POFUT3: variants seen among roughly 807,000 people sequenced by gnomAD.
POFUT3 encodes protein O-fucosyltransferase 3.
the POFUT3 span, among the ~76,000 whole-genome samples, chr8:33,331,334 C>CA: frequency 0.045 from 5,265 of 116,680 alleles, 279 homozygotes; most frequent in African/African-American, 0.15. Flanking sequence ...AACTCTGTCT[C>CA]AAAAAAAAAA....
chr8:33,374,508 G>A, the POFUT3 span, among the ~76,000 whole-genome samples: 19 of 152,178 alleles, frequency 1.2e-4, no homozygotes, highest in Non-Finnish European at 2.1e-4. Flanking sequence ...CTGGTATCCC[G>A]AATTTGATCC....
chr8:33,329,746 T>C, the POFUT3 span, among the ~76,000 whole-genome samples: 1 of 152,222 alleles, frequency 6.6e-6, no homozygotes, highest in African/African-American at 2.4e-5. Context: ...AATGTGTTTC[T>C]AGGCTGCCAT....
chr8:33,397,647 G>T, the POFUT3 span, among the ~76,000 whole-genome samples: 4 of 152,234 alleles, frequency 2.6e-5, no homozygotes, highest in Non-Finnish European at 5.9e-5. Flanking sequence ...TCATGATGAG[G>T]CTATATAACT....
the POFUT3 span, among the ~76,000 whole-genome samples, chr8:33,379,991 G>C: frequency 7.1e-3 from 261 of 36,550 alleles, 20 homozygotes; most frequent in African/African-American, 0.047. Context: ...TATATATATA[G>C]TATATATATA....
chr8:33,456,601 T>A, the POFUT3 span, among the ~76,000 whole-genome samples: 13 of 151,846 alleles, frequency 8.6e-5, no homozygotes, highest in African/African-American at 3.1e-4. Flanking sequence ...TACCTTCGGA[T>A]ATCACTACCA....
At chr8:33,403,958 G>A in the POFUT3 span, among the ~76,000 whole-genome samples, 1 of 152,214 alleles carries the variant, frequency 6.6e-6, no homozygotes, top group South Asian at 2.1e-4. Flanking sequence ...TCCCTGTCCT[G>A]CAAAGCTGTG....
the POFUT3 span, among the ~76,000 whole-genome samples, chr8:33,337,687 T>C: frequency 1.3e-5 from 2 of 152,086 alleles, no homozygotes; most frequent in Non-Finnish European, 2.9e-5. Context: ...TGCCAACAAA[T>C]TGGTAACCTA....
the POFUT3 span, among the ~76,000 whole-genome samples, chr8:33,316,096 GTTCATGCTGCACTTCTCATCA>G: frequency 1.3e-5 from 2 of 152,246 alleles, no homozygotes; most frequent in African/African-American, 4.8e-5. Flanking sequence ...GTGCAGGCTT[GTTCATGCTGCACTTCTCATCA>G]CTGATCTACT....
At chr8:33,437,726 G>A in the POFUT3 span, among the ~76,000 whole-genome samples, 3 of 152,192 alleles carry the variant, frequency 2.0e-5, no homozygotes, top group South Asian at 2.1e-4. Flanking sequence ...CAGGAGAATC[G>A]CTTGAACAGG....
At chr8:33,440,182 T>C in the POFUT3 span, among the ~76,000 whole-genome samples, 1 of 152,128 alleles carries the variant, frequency 6.6e-6, no homozygotes, top group African/African-American at 2.4e-5. Context: ...GGGTAACATA[T>C]TGAGACCATG....
At chr8:33,395,614 CA>C in the POFUT3 span, among the ~76,000 whole-genome samples, 1 of 152,102 alleles carries the variant, frequency 6.6e-6, no homozygotes, top group African/African-American at 2.4e-5. Context: ...TCCTCTTGGG[CA>C]CTGGATAAGG....
chr8:33,373,750 C>T, the POFUT3 span, among the ~76,000 whole-genome samples: 1 of 152,132 alleles, frequency 6.6e-6, no homozygotes, highest in Non-Finnish European at 1.5e-5. Context: ...TATCCAATTT[C>T]ATTTCCTCCA....
chr8:33,358,037 A>C, the POFUT3 span, among the ~76,000 whole-genome samples: 13 of 152,336 alleles, frequency 8.5e-5, no homozygotes, highest in South Asian at 8.3e-4. Flanking sequence ...ACTTGAGTCC[A>C]GGAGCTCAAG....
At chr8:33,409,120 G>C in the POFUT3 span, among the ~76,000 whole-genome samples, 1 of 151,966 alleles carries the variant, frequency 6.6e-6, no homozygotes, top group African/African-American at 2.4e-5. Flanking sequence ...ATTTATTTTT[G>C]AGACAGAGTT....
the POFUT3 span, among the ~76,000 whole-genome samples, chr8:33,309,330 G>A: frequency 6.8e-6 from 1 of 146,188 alleles, no homozygotes; most frequent in Non-Finnish European, 1.5e-5. Flanking sequence ...ATGGGATAAA[G>A]GTTGTTTATC....
At chr8:33,406,866 A>G in the POFUT3 span, among the ~76,000 whole-genome samples, 1 of 152,146 alleles carries the variant, frequency 6.6e-6, no homozygotes, top group Non-Finnish European at 1.5e-5. Context: ...GGCCCCTAGT[A>G]GACTTCTTTT....
At chr8:33,320,988 C>A in the POFUT3 span, among the ~76,000 whole-genome samples, 1 of 152,062 alleles carries the variant, frequency 6.6e-6, no homozygotes, top group Non-Finnish European at 1.5e-5. Flanking sequence ...CATTTTTAGA[C>A]GCTAGCTACC....
the POFUT3 span, chr8:33,372,273 G>C: frequency 2.7e-6 from 3 of 1,094,592 alleles, no homozygotes; most frequent in Non-Finnish European, 3.3e-6. Context: ...CATTGCACAA[G>C]GAAAGTACTC....
the POFUT3 span, among the ~76,000 whole-genome samples, chr8:33,363,153 C>T: frequency 3.3e-5 from 5 of 152,190 alleles, no homozygotes; most frequent in African/African-American, 7.2e-5. Context: ...ACTGAACAAT[C>T]TGCTCCTGAA....
Sources: gnomAD v4.1 joint callset for allele counts (sites outside exome capture counted in the v4.1 genomes callset) on GRCh38, gnomAD v4.1.1 for gene constraint, MANE v1.5 for transcripts, NCBI Gene and HGNC (gene_info 2026-07-23, HGNC 2026-07-21) for gene names.